The following GSE1 variants were observed in gnomAD, a reference collection of about 807,000 sequenced individuals.
GSE1 encodes the protein Gse1 coiled-coil protein.
Under a neutral mutation model 112.6 loss-of-function variants are expected in GSE1, and 32 were observed. That is an observed-to-expected ratio of 0.28 (90% confidence interval 0.21 to 0.38). GSE1 has a LOEUF of 0.38. Among genes scored for constraint, GSE1 ranks in the 10% least tolerant of loss-of-function variants. The pLI is 1.00. For synonymous variants in GSE1, 1,115 were observed against 735.6 expected, an observed-to-expected ratio of 1.52 and a Z score of -8.35; for missense variants, 2,348 against 1,699.2, an observed-to-expected ratio of 1.38 and a Z score of -6.71.
At chr16:85,235,897 G>A (rs979477402) in intron 1 of GSE1, among the ~76,000 whole-genome samples, 2 of 151,954 alleles carry the variant, frequency 1.3e-5, no homozygotes, top group African/African-American at 2.4e-5. Flanking sequence ...CCGCCCCCGC[G>A]CTGGCCGGGC....
chr16:85,534,401 A>C (rs1209349005), intron 2 of GSE1, among the ~76,000 whole-genome samples: 2 of 152,050 alleles, frequency 1.3e-5, no homozygotes, highest in Non-Finnish European at 2.9e-5. Flanking sequence ...GGATTACAGG[A>C]CTGAGCCACC....
intron 7 of GSE1, among the ~76,000 whole-genome samples, chr16:85,657,014 C>T (rs1475513006): frequency 6.6e-6 from 1 of 152,230 alleles, no homozygotes; most frequent in Non-Finnish European, 1.5e-5. Flanking sequence ...ATAGTCTGCT[C>T]TTTGAGCCAG....
At chr16:85,259,954 C>T (rs541107683) in intron 1 of GSE1, among the ~76,000 whole-genome samples, 3 of 152,314 alleles carry the variant, frequency 2.0e-5, no homozygotes, top group Non-Finnish European at 2.9e-5. Context: ...CACACAGAGG[C>T]GGGGCCCGAC....
At chr16:85,493,851 G>A (rs2051087857) in intron 2 of GSE1, among the ~76,000 whole-genome samples, 1 of 151,666 alleles carries the variant, frequency 6.6e-6, no homozygotes, top group Non-Finnish European at 1.5e-5. Flanking sequence ...AGCTACTTGG[G>A]AGCTCCTCGC....
intron 2 of GSE1, among the ~76,000 whole-genome samples, chr16:85,379,238 G>A (rs2047491708): frequency 6.6e-6 from 1 of 152,206 alleles, no homozygotes; most frequent in South Asian, 2.1e-4. Context: ...GGCAGAGGGA[G>A]TGTGTTGCAC....
intron 2 of GSE1, among the ~76,000 whole-genome samples, chr16:85,372,914 C>G (rs1194105120): frequency 6.6e-6 from 1 of 152,204 alleles, no homozygotes; most frequent in African/African-American, 2.4e-5. Context: ...ACGGTCGTCC[C>G]GCCAGTCAGC....
chr16:85,271,496 T>C (rs183726199), intron 1 of GSE1, among the ~76,000 whole-genome samples: 4 of 152,254 alleles, frequency 2.6e-5, no homozygotes, highest in African/African-American at 9.6e-5. Flanking sequence ...AGTAGGACTT[T>C]TGGGGGTGAA....
In GSE1 at chr16:85,508,934, G is replaced by A. The variant is rs376524864; in HGVS notation, c.2465-124980G>A. 6.4e-4 allele frequency among the ~76,000 whole-genome samples: 98 copies of A among 152,314 alleles called. 2 individuals are homozygous for A. The South Asian group carries it at 9.7e-3, about 15-fold the overall frequency. The stretch of plus-strand genomic sequence containing the variant: ...TGCACTGGGCAGGCACACATGGTTC[G>A]TTGGACAACAGCGCTGCTGGTCACT... On this transcript the variant is annotated intron_variant, in intron 2 of 2. Transcript: ENST00000637419.
chr16:85,498,654 C>G (rs1339213289), intron 2 of GSE1, among the ~76,000 whole-genome samples: 1 of 152,250 alleles, frequency 6.6e-6, no homozygotes, highest in Non-Finnish European at 1.5e-5. Flanking sequence ...CCTAGACACC[C>G]CCCACACTCA....
chr16:85,467,995 C>G (rs2050173174), intron 2 of GSE1, among the ~76,000 whole-genome samples: 1 of 152,158 alleles, frequency 6.6e-6, no homozygotes, highest in African/African-American at 2.4e-5. Flanking sequence ...GGGTTGCAGA[C>G]TTGCCTTCTC....
chr16:85,380,809 C>T (rs547320279), intron 2 of GSE1, among the ~76,000 whole-genome samples: 3 of 152,296 alleles, frequency 2.0e-5, no homozygotes, highest in Non-Finnish European at 2.9e-5. Flanking sequence ...AAGGGAGTGT[C>T]GCCCTGCCAA....
chr16:85,547,760 A>G (rs930809695), intron 2 of GSE1, among the ~76,000 whole-genome samples: 3 of 151,746 alleles, frequency 2.0e-5, no homozygotes, highest in Non-Finnish European at 4.4e-5. Flanking sequence ...ATGTGCCTGT[A>G]ATCAGCTACT....
chr16:85,588,396 C>G (rs2151420868), intron 1 of GSE1, among the ~76,000 whole-genome samples: 1 of 152,276 alleles, frequency 6.6e-6, no homozygotes, highest in South Asian at 2.1e-4. Flanking sequence ...CCTGGGCCTG[C>G]TAGGCTGCTA....
intron 1 of GSE1, among the ~76,000 whole-genome samples, chr16:85,224,382 C>A (rs78711006): frequency 0.011 from 1,502 of 138,522 alleles, 29 homozygotes; most frequent in African/African-American, 0.038. Context: ...AAAAAAAATT[C>A]TCGATCTGGT....
intron 2 of GSE1, among the ~76,000 whole-genome samples, chr16:85,376,253 C>A (rs189658632): frequency 6.6e-6 from 1 of 152,234 alleles, no homozygotes; most frequent in Non-Finnish European, 1.5e-5. Context: ...ACAGGCACAT[C>A]TGAGCCTGAG....
intron 1 of GSE1, among the ~76,000 whole-genome samples, chr16:85,190,821 G>A (rs949321691): frequency 6.6e-6 from 1 of 152,358 alleles, no homozygotes; most frequent in East Asian, 1.9e-4. Flanking sequence ...CTGGCCCAGG[G>A]CACAAAGGGC....
At chr16:85,235,488 C>T (rs1202813532) in intron 1 of GSE1, among the ~76,000 whole-genome samples, 1 of 143,238 alleles carries the variant, frequency 7.0e-6, no homozygotes, top group Admixed American at 7.0e-5. Flanking sequence ...TGTGTTCTGG[C>T]CTCCCATCTC....
intron 14 of GSE1, among the ~76,000 whole-genome samples, chr16:85,669,573 G>A (rs182112018): frequency 6.6e-6 from 1 of 152,186 alleles, no homozygotes; most frequent in East Asian, 1.9e-4. Flanking sequence ...TTCTTTTAGT[G>A]CACTCGTATA....
intron 2 of GSE1, among the ~76,000 whole-genome samples, chr16:85,437,508 G>T (rs528956479): frequency 1.1e-4 from 17 of 152,170 alleles, no homozygotes; most frequent in African/African-American, 3.6e-4. Flanking sequence ...CACCCACCCT[G>T]GGGGAGGAGG....
Sources: allele counts gnomAD v4.1 joint callset (sites outside exome capture counted in the v4.1 genomes callset), GRCh38; gene constraint gnomAD v4.1.1; transcripts MANE v1.5; gene names NCBI Gene and HGNC (gene_info 2026-07-23, HGNC 2026-07-21).